MSRA: variants seen among roughly 807,000 people sequenced by gnomAD.
MSRA encodes mitochondrial peptide methionine sulfoxide reductase.
In MSRA, 54 loss-of-function variants were observed where a neutral mutation model predicts 31.3. That is an observed-to-expected ratio of 1.73 (90% CI 1.39 to 2.17). MSRA has a LOEUF of 2.17. Ranked by LOEUF, MSRA falls within the 30% of genes most tolerant of loss-of-function variation. The pLI is 0.00. For missense variants in MSRA, 507 were observed against 300.9 expected (o/e 1.69, Z -5.07); for synonymous variants, 169 against 116.5 (o/e 1.45, Z -2.90).
chr8:10,293,690 T>G (rs1303810069), intron 3 of MSRA, among the ~76,000 whole-genome samples: 5 of 152,064 alleles, frequency 3.3e-5, no homozygotes, highest in African/African-American at 1.2e-4. Flanking sequence ...CCGTAAAGGG[T>G]TCCTTTCCTG....
intron 5 of MSRA, among the ~76,000 whole-genome samples, chr8:10,340,575 G>A (rs946173207): frequency 2.6e-5 from 4 of 152,332 alleles, no homozygotes; most frequent in Non-Finnish European, 4.4e-5. Flanking sequence ...GCCTCGCCAT[G>A]TTGGCCAGGC....
At chr8:10,154,284 AGGG>A (rs1803960983) in intron 1 of MSRA, among the ~76,000 whole-genome samples, 1 of 121,110 alleles carries the variant, frequency 8.3e-6, no homozygotes, top group South Asian at 2.9e-4. Context: ...ACGGCAGGGC[AGGG>A]GTGCTACCCA....
At chr8:10,410,129 G>T (rs1365345269) in intron 5 of MSRA, among the ~76,000 whole-genome samples, 1 of 152,212 alleles carries the variant, frequency 6.6e-6, no homozygotes, top group Non-Finnish European at 1.5e-5. Context: ...CTGGGTCCAG[G>T]ATCTTCCCAT....
intron 5 of MSRA, among the ~76,000 whole-genome samples, chr8:10,352,829 A>G (rs943398122): frequency 2.0e-5 from 3 of 152,104 alleles, no homozygotes; most frequent in African/African-American, 7.2e-5. Flanking sequence ...TGGAGAGTCA[A>G]CAACAACCGG....
At chr8:10,426,570 G>A (rs966299426) in intron 5 of MSRA, among the ~76,000 whole-genome samples, 1 of 152,240 alleles carries the variant, frequency 6.6e-6, no homozygotes, top group African/African-American at 2.4e-5. Flanking sequence ...AATTTCGTGT[G>A]AGTTTCTCTG....
At chr8:10,065,207 G>A (rs1428375727) in intron 1 of MSRA, among the ~76,000 whole-genome samples, 1 of 152,038 alleles carries the variant, frequency 6.6e-6, no homozygotes, top group East Asian at 1.9e-4. Flanking sequence ...GCTTCTCAGA[G>A]CCCCAGGGTG....
chr8:10,396,308 T>C (rs1807095654), intron 5 of MSRA, among the ~76,000 whole-genome samples: 1 of 152,202 alleles, frequency 6.6e-6, no homozygotes, highest in Admixed American at 6.5e-5. Context: ...ACTTCTTTTT[T>C]ATTTACACAC....
chr8:10,389,318 G>C (rs1259614159), intron 5 of MSRA, among the ~76,000 whole-genome samples: 1 of 152,216 alleles, frequency 6.6e-6, no homozygotes, highest in East Asian at 1.9e-4. Flanking sequence ...AAGGATTTTA[G>C]ATGATTTTTG....
chr8:10,104,071 G>T (rs1799710947), intron 1 of MSRA, among the ~76,000 whole-genome samples: 1 of 152,122 alleles, frequency 6.6e-6, no homozygotes, highest in African/African-American at 2.4e-5. Flanking sequence ...GCTAATGTGG[G>T]TATGAGGCTG....
At chr8:10,125,675 G>A (rs1283727935) in intron 1 of MSRA, among the ~76,000 whole-genome samples, 2 of 152,176 alleles carry the variant, frequency 1.3e-5, no homozygotes, top group Non-Finnish European at 2.9e-5. Flanking sequence ...ACCACAGTCA[G>A]CCGAAAGTCT....
intron 1 of MSRA, among the ~76,000 whole-genome samples, chr8:10,146,433 G>C (rs536449165): frequency 6.6e-6 from 1 of 152,310 alleles, no homozygotes; most frequent in East Asian, 1.9e-4. Flanking sequence ...GGATGCTCTT[G>C]CATCGGTAGA....
At chr8:10,119,062 C>T (rs1011983421) in intron 1 of MSRA, among the ~76,000 whole-genome samples, 1 of 152,184 alleles carries the variant, frequency 6.6e-6, no homozygotes, top group African/African-American at 2.4e-5. Context: ...CCCCTGTGAG[C>T]AGGATGGATC....
intron 5 of MSRA, among the ~76,000 whole-genome samples, chr8:10,335,316 TCA>T (rs1802974135): frequency 7.2e-6 from 1 of 139,428 alleles, no homozygotes; most frequent in Non-Finnish European, 1.5e-5. Context: ...CCCTTTCTAC[TCA>T]CAGACACTGC....
chr8:10,258,470 C>A (rs1047260137), intron 3 of MSRA, among the ~76,000 whole-genome samples: 1 of 152,178 alleles, frequency 6.6e-6, no homozygotes, highest in African/African-American at 2.4e-5. Context: ...TCTCCCTATT[C>A]TTGTGACACC....
At chr8:10,338,783 T>A (rs950428350) in intron 5 of MSRA, among the ~76,000 whole-genome samples, 2 of 152,206 alleles carry the variant, frequency 1.3e-5, no homozygotes, top group African/African-American at 2.4e-5. Flanking sequence ...CTTTGGTGAT[T>A]CATACAACTT....
At chr8:10,196,284 C>G (rs1340747725) in intron 1 of MSRA, among the ~76,000 whole-genome samples, 1 of 152,082 alleles carries the variant, frequency 6.6e-6, no homozygotes, top group South Asian at 2.1e-4. Flanking sequence ...CTTGTAGAAA[C>G]ATTTAATGAT....
intron 5 of MSRA, among the ~76,000 whole-genome samples, chr8:10,333,185 C>T (rs1276784014): frequency 3.3e-5 from 5 of 152,174 alleles, no homozygotes; most frequent in South Asian, 4.1e-4. Context: ...CATTTCTCCA[C>T]GGGCCACACT....
At chr8:10,122,422 T>C (rs1403648705) in intron 1 of MSRA, among the ~76,000 whole-genome samples, 1 of 152,158 alleles carries the variant, frequency 6.6e-6, no homozygotes, top group Non-Finnish European at 1.5e-5. Context: ...GGATTGTTTT[T>C]TAAAAAACAA....
intron 5 of MSRA, among the ~76,000 whole-genome samples, chr8:10,377,202 G>C (rs182972648): frequency 1.2e-4 from 19 of 152,368 alleles, no homozygotes; most frequent in African/African-American, 4.6e-4. Context: ...ACTAACCAGA[G>C]GGTGAAAACC....
Sources: gnomAD v4.1 joint callset for allele counts (sites outside exome capture counted in the v4.1 genomes callset) on GRCh38, gnomAD v4.1.1 for gene constraint, MANE v1.5 for transcripts, NCBI Gene and HGNC (gene_info 2026-07-23, HGNC 2026-07-21) for gene names.